SLC7A5: variants seen among roughly 807,000 people sequenced by gnomAD.
SLC7A5 encodes the protein large neutral amino acids transporter small subunit 1.
Under a neutral mutation model 50.2 loss-of-function variants are expected in SLC7A5, and 23 were observed. That is an observed-to-expected ratio of 0.46 (90% CI 0.33 to 0.65). The LOEUF (loss-of-function observed/expected upper bound fraction) is 0.65. Ranked by LOEUF, SLC7A5 falls within the 30% of genes least tolerant of loss-of-function variation. The probability of loss-of-function intolerance (pLI) is 0.02; values close to 1 mark genes in which losing one functional copy is unlikely to be tolerated. For missense variants in SLC7A5, 578 were observed against 684.4 expected (o/e 0.84, Z 1.73); for synonymous variants, 393 against 330.6 (o/e 1.19, Z -2.05).
At position 87,839,815 on chromosome 16, in the gene SLC7A5, G is replaced by A. The variant is rs775075152; in HGVS notation, c.826C>T (p.Leu276=). 3 of 1,613,836 alleles carry A rather than the reference G, an allele frequency of 1.9e-6. No individual in the cohort carries two copies. The highest frequency in any genetic ancestry group is 1.1e-5 in the South Asian group (1 of 91,072). Residue 276 remains leucine, a synonymous_variant, in exon 5 of 10, where the codon CTG becomes TTG. Transcript: ENST00000261622. ...ATGGGCAGGGAGATGATGATGGCCA[G>A]GGGCAGGTTTCTGGAAAGAACAGGG... ...EMINPYRNLP[L]AIIISLPIVT...
At chr16:87,844,559 T>G (rs4843717) in intron 2 of SLC7A5, among the ~76,000 whole-genome samples, 33 of 152,062 alleles carry the variant, frequency 2.2e-4, no homozygotes, top group Admixed American at 1.0e-3. Context: ...TCCTCTGTGA[T>G]GCGGCCAACC....
At chr16:87,845,947 C>T (rs2055148682) in intron 2 of SLC7A5, among the ~76,000 whole-genome samples, 1 of 152,222 alleles carries the variant, frequency 6.6e-6, no homozygotes, top group African/African-American at 2.4e-5. Context: ...AGAGCCCCAG[C>T]TTCCCCAGCC....
intron 2 of SLC7A5, among the ~76,000 whole-genome samples, chr16:87,847,129 A>G (rs2055163882): frequency 6.6e-6 from 1 of 152,104 alleles, no homozygotes; most frequent in Admixed American, 6.5e-5. Flanking sequence ...CCACGCACAC[A>G]CTCAGGTGAA....
intron 8 of SLC7A5, among the ~76,000 whole-genome samples, chr16:87,835,713 A>G (rs1168310855): frequency 2.0e-5 from 3 of 152,156 alleles, no homozygotes; most frequent in Non-Finnish European, 4.4e-5. Flanking sequence ...TGACTTTGTG[A>G]TCTGCCCGCC....
chr16:87,838,885 AGCCCTCTGCACCGGGCCAGCCCTC>A, intron 5 of SLC7A5, 68 bp from the exon 6 acceptor site: 1 of 1,153,550 alleles, frequency 8.7e-7, no homozygotes, highest in Non-Finnish European at 1.3e-6. Flanking sequence ...GCTCACTGGG[AGCCCTCTGCACCGGGCCAGCCCTC>A]GCCCTCTGTG....
Position 87,866,109 on chromosome 16 carries a change from G to C in SLC7A5, c.538+2776C>G, listed in dbSNP as rs895599248. Reference sequence around the variant, plus strand: ...CACAGGGTTCTATGGGGGGGCGGGGGTGCGGTGAGCACACTTGTTCCTGCC... The same window carrying C: ...CACAGGGTTCTATGGGGGGGCGGGGCTGCGGTGAGCACACTTGTTCCTGCC... On this transcript the variant is annotated intron_variant, in intron 1 of 9. Coordinates refer to ENST00000261622, the MANE Select transcript of SLC7A5 (RefSeq NM_003486.7). Among the ~76,000 whole-genome samples, 10 of 152,158 alleles carry C rather than the reference G, an allele frequency of 6.6e-5. No individual in the cohort carries two copies. In the South Asian group the frequency reaches 1.9e-3, roughly 28 times the overall value.
chr16:87,845,660 A>C (rs1053593605), intron 2 of SLC7A5, among the ~76,000 whole-genome samples: 5 of 152,208 alleles, frequency 3.3e-5, no homozygotes, highest in African/African-American at 1.2e-4. Flanking sequence ...TTCTGGCGGC[A>C]ACCAGATGGC....
Position 87,851,861 on chromosome 16 carries a change from G to A in SLC7A5, c.539-12C>T, listed in dbSNP as rs751792180. On this transcript the variant is annotated splice_polypyrimidine_tract_variant and intron_variant, in intron 1 of 9. Coordinates refer to ENST00000261622, the MANE Select transcript of SLC7A5 (RefSeq NM_003486.7). The stretch of plus-strand genomic sequence containing the variant: ...GGCCGTGAGCAGCACTGTGGAGACA[G>A]AGGGCAGCGGTGAGTTCCACGGGCA... 1.9e-6 allele frequency: 3 copies of A among 1,612,720 alleles called. No individual in the cohort carries two copies. Among genetic ancestry groups the A allele is most frequent in the Middle Eastern group, 1.7e-4 (1 of 5,764 alleles).
intron 2 of SLC7A5, among the ~76,000 whole-genome samples, chr16:87,846,957 C>A (rs957950471): frequency 6.6e-6 from 1 of 152,130 alleles, no homozygotes; most frequent in African/African-American, 2.4e-5. Flanking sequence ...ACACCCTGGC[C>A]GGGGGGCGGC....
chr16:87,837,818 G>A (rs768735315), intron 7 of SLC7A5, 27 bp downstream of exon 7: 2 of 1,570,716 alleles, frequency 1.3e-6, no homozygotes, highest in South Asian at 2.3e-5. Flanking sequence ...CAGGGATGTA[G>A]GGCACAGGGC....
intron 7 of SLC7A5, 196 bp from the exon 8 acceptor site, chr16:87,836,843 G>A (rs997595769): frequency 2.4e-5 from 13 of 539,028 alleles, no homozygotes; most frequent in Non-Finnish European, 3.8e-5. Context: ...AGGAGAGGAG[G>A]AGGGAAGAGG....
At position 87,861,790 on chromosome 16, in the gene SLC7A5, C is replaced by T. The variant is rs1263394423; in HGVS notation, c.538+7095G>A. On this transcript the variant is annotated intron_variant, in intron 1 of 9. Transcript: ENST00000261622. This position sits in a 1 kb window ranked among gnomAD's most constrained non-coding sequence, Gnocchi z 4.2. ...CCAAGAAAAAAGGGTCACAAGTGCC[C>T]GTTAGGCTCTCCTGTGTGGCTCAGG... is the stretch of plus-strand genomic sequence containing the variant. 1.2e-4 allele frequency among the ~76,000 whole-genome samples: 18 copies of T among 152,314 alleles called. No individual in the cohort carries two copies. The South Asian group carries it at 2.5e-3, about 21-fold the overall frequency.
Position 87,837,767 on chromosome 16 carries a change from A to G in SLC7A5, c.1140+78T>C, listed in dbSNP as rs375689832. The stretch of plus-strand genomic sequence containing the variant: ...CAGTCCACACCCCAGACAGAGCTGC[A>G]AGCTGTGGCAGCCTCCCTCTGGGAG... On this transcript the variant is annotated intron_variant, in intron 7 of 9. Coordinates refer to ENST00000261622, the MANE Select transcript of SLC7A5 (RefSeq NM_003486.7). 5.9e-6 allele frequency: 7 copies of G among 1,194,632 alleles called. No individual in the cohort carries two copies. In the East Asian group the frequency reaches 1.7e-4, roughly 30 times the overall value. 74.0% of individuals were successfully genotyped at this position (1,194,632 alleles called of 1,614,324 possible).
chr16:87,849,127 G>A (rs1039569804), intron 2 of SLC7A5, among the ~76,000 whole-genome samples: 6 of 152,250 alleles, frequency 3.9e-5, no homozygotes, highest in Non-Finnish European at 8.8e-5. Flanking sequence ...CTTGCCAGTC[G>A]TTGCAAAATT....
intron 1 of SLC7A5, among the ~76,000 whole-genome samples, chr16:87,864,745 C>T (rs971806713): frequency 2.6e-5 from 4 of 152,220 alleles, no homozygotes; most frequent in Admixed American, 6.5e-5. Flanking sequence ...GCTAGTCAGA[C>T]GTGCATTTAT....
At chr16:87,859,463 G>A (rs1053159357) in intron 1 of SLC7A5, among the ~76,000 whole-genome samples, 2 of 152,164 alleles carry the variant, frequency 1.3e-5, no homozygotes, top group African/African-American at 2.4e-5. Context: ...GTTTGAGCAC[G>A]TACACCAAAA....
intron 2 of SLC7A5, 128 bp downstream of exon 2, chr16:87,851,596 T>A: frequency 8.3e-7 from 1 of 1,197,970 alleles, no homozygotes; most frequent in Non-Finnish European, 1.2e-6. Flanking sequence ...CAGAGGGAAA[T>A]CTCCACGTTG....
chr16:87,859,890 C>T (rs1299141876), intron 1 of SLC7A5, among the ~76,000 whole-genome samples: 1 of 151,890 alleles, frequency 6.6e-6, no homozygotes, highest in South Asian at 2.1e-4. Flanking sequence ...GAGATCATGC[C>T]ACTGCACTCC....
Position 87,839,837 on chromosome 16 carries a change from A to C in SLC7A5, c.816-12T>G, listed in dbSNP as rs2055061354. 1.2e-6 allele frequency: 2 copies of C among 1,613,554 alleles called. No homozygotes were observed. Among genetic ancestry groups the C allele is most frequent in the Non-Finnish European group, 1.7e-6 (2 of 1,179,908 alleles). ...CCAGGGGCAGGTTTCTGGAAAGAAC[A>C]GGGACGACATGTCACCCAACGCAGC... On this transcript the variant is annotated splice_polypyrimidine_tract_variant and intron_variant, in intron 4 of 9. Transcript: ENST00000261622.
Sources: gnomAD v4.1 joint callset for allele counts (sites outside exome capture counted in the v4.1 genomes callset) on GRCh38, gnomAD v4.1.1 for gene constraint, Gnocchi (gnomAD v3.1) non-coding constraint, MANE v1.5 for transcripts, NCBI Gene and HGNC (gene_info 2026-07-23, HGNC 2026-07-21) for gene names.